The following ACTG2 variants were observed in gnomAD, a reference collection of about 807,000 sequenced individuals.
ACTG2 encodes the protein actin gamma 2, smooth muscle.
A neutral mutation model predicts 37.6 loss-of-function variants in ACTG2; 16 were observed. The observed-to-expected ratio is 0.43, with a 90% CI of 0.29 to 0.65. The LOEUF is 0.65. Among genes scored for constraint, ACTG2 ranks in the 30% least tolerant of loss-of-function variants. ACTG2 has a pLI of 0.18. For synonymous variants in ACTG2, 181 were observed against 179.9 expected (o/e 1.01, Z -0.05); for missense variants, 238 against 490.9 (o/e 0.48, Z 4.87).
At chr2:73,903,088 TTTTG>T (rs1417358453) in intron 3 of ACTG2, 2 of 194,820 alleles carry the variant, frequency 1.0e-5, no homozygotes, top group Non-Finnish European at 2.1e-5. Flanking sequence ...CTAGAAGCAT[TTTTG>T]TTTAAGAAAA....
At chr2:73,917,719 T>G (rs1680298641) in intron 8 of ACTG2, among the ~76,000 whole-genome samples, 1 of 152,174 alleles carries the variant, frequency 6.6e-6, no homozygotes, top group South Asian at 2.1e-4. Context: ...CCCCGGGCCT[T>G]CCCCCTGCCT....
At chr2:73,902,536 C>G in intron 3 of ACTG2, 48 bp downstream of exon 3, 1 of 1,609,630 alleles carries the variant, frequency 6.2e-7, no homozygotes. Flanking sequence ...GATCACCCAT[C>G]ATCATGACCC....
chr2:73,914,659 T>C (rs760302494), intron 6 of ACTG2, 21 bp from the exon 7 acceptor site: 1 of 1,528,748 alleles, frequency 6.5e-7, no homozygotes, highest in South Asian at 1.3e-5. Context: ...ATTCACCTTC[T>C]GTCATTTCTG....
At chr2:73,894,704 TGAGCTTGGTCCTGAAGTAAGGACC>T (rs896325531) in intron 1 of ACTG2, among the ~76,000 whole-genome samples, 31 of 129,548 alleles carry the variant, frequency 2.4e-4, no homozygotes, top group African/African-American at 1.0e-3. Context: ...AAGAGGTGCC[TGAGCTTGGTCCTGAAGTAAGGACC>T]AAGCTTGGTC....
At position 73,909,131 on chromosome 2, in the gene ACTG2, G is replaced by A. The variant is rs730880256; in HGVS notation, c.443G>A (p.Arg148His). 6.2e-6 allele frequency: 10 copies of A among 1,612,548 alleles called. No individual in the cohort carries two copies. The highest frequency in any genetic ancestry group is 3.3e-5 in the Admixed American group (2 of 59,990). The change falls in exon 5 of 9, where the codon CGC becomes CAC. Residue 148 changes from arginine (R) to histidine (H), a missense_variant. Physicochemically the swap from Arg to His is conservative, Grantham distance 29. Coordinates refer to ENST00000345517, the MANE Select transcript of ACTG2 (RefSeq NM_001615.4). The part of the protein sequence containing the change: ...QAVLSLYASG[R>H]TTGIVLDSGD... ...GTGCTCTCCCTCTATGCCTCTGGCC[G>A]CACGACAGGTGAGTAATCCTGTAAT...
At chr2:73,894,252 C>A (rs527399181) in intron 1 of ACTG2, among the ~76,000 whole-genome samples, 1 of 152,294 alleles carries the variant, frequency 6.6e-6, no homozygotes, top group South Asian at 2.1e-4. Context: ...AGCTGCTGGT[C>A]TGGGACCACA....
chr2:73,902,515 C>T, intron 3 of ACTG2, 27 bp downstream of exon 3: 1 of 1,613,458 alleles, frequency 6.2e-7, no homozygotes, highest in Non-Finnish European at 8.5e-7. Context: ...CCTTAATGAG[C>T]CTGCTTTAAT....
chr2:73,912,984 A>G (rs1004006045), intron 5 of ACTG2, among the ~76,000 whole-genome samples: 1 of 152,156 alleles, frequency 6.6e-6, no homozygotes, highest in Non-Finnish European at 1.5e-5. Context: ...CCTGGCCAAC[A>G]TAGTGAAACC....
Position 73,908,985 on chromosome 2 carries a change from A to G in ACTG2, c.367-70A>G. 3.4e-6 allele frequency: 5 copies of G among 1,481,460 alleles called. No homozygotes were observed. The Admixed American group carries it at 6.7e-5, about 20-fold the overall frequency. 91.8% of individuals were successfully genotyped at this position (1,481,460 alleles called of 1,614,324 possible). On this transcript the variant is annotated intron_variant, in intron 4 of 8. Coordinates refer to ENST00000345517, the MANE Select transcript of ACTG2 (RefSeq NM_001615.4). Reference sequence around the variant, plus strand: ...AGTTCCTGCCCTTAATGAGATTACAAACCATTCTACAGGCCAAGAAGTGCT... The same window carrying G: ...AGTTCCTGCCCTTAATGAGATTACAGACCATTCTACAGGCCAAGAAGTGCT...
intron 8 of ACTG2, among the ~76,000 whole-genome samples, chr2:73,917,890 T>G (rs1325147448): frequency 6.6e-6 from 1 of 152,144 alleles, no homozygotes; most frequent in Non-Finnish European, 1.5e-5. Context: ...ACCAGGACTG[T>G]GTGTCAGTAT....
Position 73,901,256 on chromosome 2 carries a change from C to G in ACTG2, c.-36-20C>G, listed in dbSNP as rs532670077. 3.9e-4 allele frequency: 578 copies of G among 1,492,610 alleles called. 1 individual carries two copies. Among genetic ancestry groups the G allele is most frequent in the Non-Finnish European group, 5.1e-4 (564 of 1,112,834 alleles). The allele number at this position is 1,492,610 out of a possible 1,614,324, so 92.5% of individuals were successfully genotyped here. A position where few individuals can be genotyped will look rare whatever the true frequency, so the allele number is the denominator to read the frequency against. On this transcript the variant is annotated intron_variant, in intron 1 of 8. Coordinates refer to ENST00000345517, the MANE Select transcript of ACTG2 (RefSeq NM_001615.4). ...ATTTGACAAGTGGCTGACTAGTTCT[C>G]TTCTCCCGCAAATCCCAAGGTGCTC...
At chr2:73,911,966 A>G (rs1573471407) in intron 5 of ACTG2, among the ~76,000 whole-genome samples, 1 of 152,358 alleles carries the variant, frequency 6.6e-6, no homozygotes, top group Non-Finnish European at 1.5e-5. Flanking sequence ...ATTACTCCCT[A>G]CAATGTGCCA....
chr2:73,913,177 A>G (rs991792060), intron 5 of ACTG2, among the ~76,000 whole-genome samples: 1 of 151,862 alleles, frequency 6.6e-6, no homozygotes, highest in African/African-American at 2.4e-5. Context: ...CTCCAAAAAA[A>G]AAAAAAAAAG....
chr2:73,894,834 A>G (rs1256781842), intron 1 of ACTG2, among the ~76,000 whole-genome samples: 4 of 152,100 alleles, frequency 2.6e-5, no homozygotes, highest in Non-Finnish European at 5.9e-5. Context: ...AACTAAATTC[A>G]GAGGGGTCCG....
chr2:73,894,891 G>C (rs1314595347), intron 1 of ACTG2, among the ~76,000 whole-genome samples: 1 of 152,184 alleles, frequency 6.6e-6, no homozygotes, highest in Non-Finnish European at 1.5e-5. Context: ...TCAGGCTATG[G>C]GGAGCCATGG....
chr2:73,903,363 A>G (rs1263032158), intron 3 of ACTG2, among the ~76,000 whole-genome samples: 1 of 152,242 alleles, frequency 6.6e-6, no homozygotes, highest in African/African-American at 2.4e-5. Flanking sequence ...GAGTCACTCA[A>G]TGTGAGATAA....
intron 7 of ACTG2, among the ~76,000 whole-genome samples, chr2:73,916,330 G>A (rs146614989): frequency 2.2e-4 from 33 of 150,368 alleles, no homozygotes; most frequent in African/African-American, 5.9e-4. Context: ...AGCTGAGATC[G>A]CGCCACTGCA....
rs1273720388 is a variant in ACTG2, at chr2:73,915,383, G to C, written c.805+512G>C. ...AAAAATACAAAATTTAGCAGGGCATGGTGGTGCATGCCCATGGTCCCAGAT... is the reference window on the plus strand; with the variant it reads ...AAAAATACAAAATTTAGCAGGGCATCGTGGTGCATGCCCATGGTCCCAGAT... On this transcript the variant is annotated intron_variant, in intron 7 of 8. Coordinates refer to ENST00000345517, the MANE Select transcript of ACTG2 (RefSeq NM_001615.4). Among the ~76,000 whole-genome samples the C allele has an allele frequency of 3.9e-5, 6 of 152,050 alleles. No homozygotes were observed. In the South Asian group the frequency reaches 1.2e-3, roughly 32 times the overall value.
At chr2:73,912,147 A>G (rs1056333228) in intron 5 of ACTG2, among the ~76,000 whole-genome samples, 8 of 152,132 alleles carry the variant, frequency 5.3e-5, no homozygotes, top group African/African-American at 1.9e-4. Flanking sequence ...TGTGCTTTGC[A>G]CTTTGGTTTT....
Sources: gnomAD v4.1 joint callset for allele counts (sites outside exome capture counted in the v4.1 genomes callset) on GRCh38, gnomAD v4.1.1 for gene constraint, MANE v1.5 for transcripts, NCBI Gene and HGNC (gene_info 2026-07-23, HGNC 2026-07-21) for gene names.